Variants in MCCC1 observed in about 807,000 individuals in gnomAD.
The protein encoded by MCCC1 is methylcrotonyl-CoA carboxylase subunit 1.
Under a neutral mutation model 83.8 loss-of-function variants are expected in MCCC1, and 64 were observed. The ratio of observed to expected loss-of-function variants is 0.76; its 90% CI spans 0.62 to 0.94. The LOEUF (loss-of-function observed/expected upper bound fraction) is 0.94, where lower values mean the gene tolerates loss of function less well. Among genes scored for constraint, MCCC1 ranks in the 40% least tolerant of loss-of-function variants. The probability of loss-of-function intolerance (pLI) is 0.00; values close to 1 mark genes in which losing one functional copy is unlikely to be tolerated. For missense variants in MCCC1, 807 were observed against 904.7 expected (o/e 0.89, Z 1.39); for synonymous variants, 322 against 315.4 (o/e 1.02, Z -0.22).
At chr3:183,044,330 T>A (rs1375115126) in intron 10 of MCCC1, among the ~76,000 whole-genome samples, 3 of 152,238 alleles carry the variant, frequency 2.0e-5, no homozygotes, top group African/African-American at 7.2e-5. Context: ...TTGAGAAGTA[T>A]GTTTTGTGGA....
At position 183,112,480 on chromosome 3, in the gene MCCC1, A is replaced by G. The variant is rs1045142700; in HGVS notation, c.-102+2994T>C. Among the ~76,000 whole-genome samples the G allele has an allele frequency of 3.3e-5, 5 of 151,976 alleles. No individual in the cohort carries two copies. In the East Asian group the frequency reaches 5.9e-4, roughly 18 times the overall value. On this transcript the variant is annotated intron_variant, in intron 1 of 17. Transcript: ENST00000492597. ...AGACAAGACATTTTCTCTCATGCAT[A>G]TGAGTTTTTCTCCCCTGGTTTAAAA...
chr3:183,023,585 G>A (rs1194736143), intron 15 of MCCC1, among the ~76,000 whole-genome samples: 1 of 152,122 alleles, frequency 6.6e-6, no homozygotes, highest in African/African-American at 2.4e-5. Context: ...GCATTAATAT[G>A]AATTATAACC....
chr3:183,070,525 G>A (rs1716583309), intron 7 of MCCC1, among the ~76,000 whole-genome samples: 1 of 152,142 alleles, frequency 6.6e-6, no homozygotes, highest in African/African-American at 2.4e-5. Flanking sequence ...ACGAGGTCAG[G>A]AGTTTGAGAC....
chr3:183,065,400 T>C (rs1716181547), intron 7 of MCCC1, among the ~76,000 whole-genome samples: 3 of 152,222 alleles, frequency 2.0e-5, no homozygotes, highest in Admixed American at 1.3e-4. Context: ...GTGTGTGATA[T>C]GAAAGAGCTT....
chr3:183,075,899 A>T (rs920455386), intron 4 of MCCC1, among the ~76,000 whole-genome samples: 1 of 152,136 alleles, frequency 6.6e-6, no homozygotes. Context: ...TAAGTTCCTT[A>T]TAGATGCTAG....
intron 13 of MCCC1, among the ~76,000 whole-genome samples, chr3:183,036,072 C>T (rs923406046): frequency 1.4e-5 from 2 of 145,912 alleles, no homozygotes; most frequent in East Asian, 2.1e-4. Context: ...TGAGAACATG[C>T]GGTGTTTGGT....
intron 11 of MCCC1, among the ~76,000 whole-genome samples, 199 bp from the exon 12 acceptor site, chr3:183,039,334 C>A (rs903265421): frequency 1.3e-5 from 2 of 152,148 alleles, no homozygotes; most frequent in Non-Finnish European, 2.9e-5. Flanking sequence ...AGGTGGGCCA[C>A]CCAACAGCAC....
At chr3:183,046,800 A>G (rs574934288) in intron 9 of MCCC1, among the ~76,000 whole-genome samples, 1 of 152,282 alleles carries the variant, frequency 6.6e-6, no homozygotes, top group Non-Finnish European at 1.5e-5. Context: ...AAAATCAACA[A>G]TTTTTAAATT....
At chr3:183,105,070 T>C (rs934007782) in intron 1 of MCCC1, among the ~76,000 whole-genome samples, 3 of 152,166 alleles carry the variant, frequency 2.0e-5, no homozygotes, top group African/African-American at 7.2e-5. Context: ...GCAGGCCGGG[T>C]GTGGTGGCTC....
upstream of MCCC1, among the ~76,000 whole-genome samples, chr3:183,100,048 A>G (rs1719062242): frequency 6.6e-6 from 1 of 152,238 alleles, no homozygotes; most frequent in South Asian, 2.1e-4. Flanking sequence ...GGAAAGCAGG[A>G]GGGAGAAATT....
At chr3:183,111,597 G>A (rs1214578109) in intron 1 of MCCC1, among the ~76,000 whole-genome samples, 2 of 152,230 alleles carry the variant, frequency 1.3e-5, no homozygotes, top group African/African-American at 2.4e-5. Flanking sequence ...ACCGCGTCCA[G>A]CCTTCAAATG....
At chr3:183,028,701 T>C (rs1490977694) in intron 14 of MCCC1, among the ~76,000 whole-genome samples, 2 of 152,242 alleles carry the variant, frequency 1.3e-5, no homozygotes, top group Non-Finnish European at 2.9e-5. Flanking sequence ...GAGCTAGGAC[T>C]AGAAGTGGAG....
intron 18 of MCCC1, among the ~76,000 whole-genome samples, chr3:183,016,637 A>G (rs183107627): frequency 1.3e-5 from 2 of 152,300 alleles, no homozygotes; most frequent in Admixed American, 1.3e-4. Context: ...ATGCTCCTTG[A>G]CTTACGATGG....
intron 3 of MCCC1, among the ~76,000 whole-genome samples, chr3:183,088,038 T>C (rs1201363395): frequency 1.3e-5 from 2 of 151,868 alleles, no homozygotes; most frequent in African/African-American, 4.8e-5. Flanking sequence ...AGAAGGCTTG[T>C]GTGGCTGGAA....
At chr3:183,034,679 C>T (rs1442902465) in intron 13 of MCCC1, among the ~76,000 whole-genome samples, 1 of 152,126 alleles carries the variant, frequency 6.6e-6, no homozygotes, top group Non-Finnish European at 1.5e-5. Flanking sequence ...GGGGCAAATT[C>T]ATTCCAGGTC....
chr3:183,029,351 G>A (rs1360219256), intron 14 of MCCC1, among the ~76,000 whole-genome samples: 2 of 152,162 alleles, frequency 1.3e-5, no homozygotes, highest in Admixed American at 1.3e-4. Context: ...ATGCTCCACT[G>A]GTGACTTAAG....
At chr3:183,089,934 T>G (rs1257237616) in intron 3 of MCCC1, among the ~76,000 whole-genome samples, 1 of 152,166 alleles carries the variant, frequency 6.6e-6, no homozygotes, top group Non-Finnish European at 1.5e-5. Flanking sequence ...GAAGTGGAGA[T>G]GTTGAATGGG....
Position 183,033,871 on chromosome 3 carries a change from T to G in MCCC1, c.1681+120A>C, listed in dbSNP as rs1489790524. Reference sequence around the variant, plus strand: ...ATATTGGCATATTTCCCTCCAATGTTTAGCCTAGGCATTTAAAAAATGTAA... The same window carrying G: ...ATATTGGCATATTTCCCTCCAATGTGTAGCCTAGGCATTTAAAAAATGTAA... On this transcript the variant is annotated intron_variant, in intron 14 of 18. Coordinates refer to ENST00000265594, the MANE Select transcript of MCCC1 (RefSeq NM_020166.5). The G allele has an allele frequency of 8.2e-6, 6 of 727,362 alleles. No individual in the cohort carries two copies. In the African/African-American group the frequency reaches 1.0e-4, roughly 13 times the overall value. 45.1% of individuals were successfully genotyped at this position (727,362 alleles called of 1,614,324 possible).
chr3:183,075,471 T>C (rs1396649766), intron 4 of MCCC1, among the ~76,000 whole-genome samples: 2 of 152,172 alleles, frequency 1.3e-5, no homozygotes, highest in South Asian at 2.1e-4. Context: ...ATCAGTGATA[T>C]TGAGCTTTTT....
Sources: gnomAD v4.1 joint callset for allele counts (sites outside exome capture counted in the v4.1 genomes callset) on GRCh38, gnomAD v4.1.1 for gene constraint, MANE v1.5 for transcripts, NCBI Gene and HGNC (gene_info 2026-07-23, HGNC 2026-07-21) for gene names.